The following PACS2 variants were observed in gnomAD, a reference collection of about 807,000 sequenced individuals.
PACS2 encodes the protein phosphofurin acidic cluster sorting protein 2, also known as PACS1-like protein.
In PACS2, 36 loss-of-function variants were observed where a neutral mutation model predicts 113.0. The ratio of observed to expected loss-of-function variants is 0.32; its 90% CI spans 0.24 to 0.42. The LOEUF is 0.42. PACS2 is among the 10% of genes least tolerant of loss of function. PACS2 has a pLI of 1.00. For missense variants in PACS2, 1,015 were observed against 1,239.5 expected (o/e 0.82, Z 2.72); for synonymous variants, 589 against 536.1 (o/e 1.10, Z -1.36).
chr14:105,382,440 T>A lies in PACS2; in HGVS notation c.1414-37T>A. 3 of 1,254,216 alleles carry A rather than the reference T, an allele frequency of 2.4e-6. No individual in the cohort carries two copies. In the South Asian group the frequency reaches 3.6e-5, roughly 15 times the overall value. 77.7% of individuals were successfully genotyped at this position (1,254,216 alleles called of 1,614,324 possible). ...GGCGTGGTGGGGATGGGCGCTGTGCTTCTCTTCTGGGTGTGGACAGGGCTC... is the reference window on the plus strand; with the variant it reads ...GGCGTGGTGGGGATGGGCGCTGTGCATCTCTTCTGGGTGTGGACAGGGCTC... On this transcript the variant is annotated intron_variant, in intron 13 of 24. Coordinates refer to ENST00000447393, the MANE Select transcript of PACS2 (RefSeq NM_001100913.3).
In PACS2 at chr14:105,365,090, C is replaced by T. The variant is rs2060898530; in HGVS notation, c.424-2123C>T. ...GGAGGGAGCTGGGCCCTGGGGCCAC[C>T]CTCCCTGGTGAGGCAGCTCCAGCCC... On this transcript the variant is annotated intron_variant, in intron 4 of 24. Transcript: ENST00000447393. This position sits in a 1 kb window ranked among gnomAD's most constrained non-coding sequence, Gnocchi z 5.1. Among the ~76,000 whole-genome samples the T allele has an allele frequency of 6.6e-6, 1 of 152,216 alleles. No homozygotes were observed. Among genetic ancestry groups the T allele is most frequent in the African/African-American group, 2.4e-5 (1 of 41,458 alleles).
At chr14:105,373,759 C>T (rs2061243981) in intron 8 of PACS2, among the ~76,000 whole-genome samples, 1 of 151,692 alleles carries the variant, frequency 6.6e-6, no homozygotes, top group South Asian at 2.1e-4. Flanking sequence ...TTGCACTCCA[C>T]CTGGGCAACC....
intron 17 of PACS2, 34 bp from the exon 18 acceptor site, chr14:105,384,845 C>A: frequency 7.2e-7 from 1 of 1,387,596 alleles, no homozygotes; most frequent in East Asian, 2.5e-5. Context: ...CACCTGGCAC[C>A]AGCCTAACCC....
intron 8 of PACS2, chr14:105,375,057 CGTG>C (rs2061300838): frequency 6.6e-6 from 1 of 152,194 alleles, no homozygotes; most frequent in Non-Finnish European, 1.5e-5. Flanking sequence ...TGGGGGCTGA[CGTG>C]GGAGGATCAC....
intron 1 of PACS2, among the ~76,000 whole-genome samples, chr14:105,342,566 CAGT>C (rs1555401819): frequency 1.3e-5 from 2 of 152,120 alleles, no homozygotes; most frequent in African/African-American, 4.8e-5. Flanking sequence ...TGCCCAGCCA[CAGT>C]AGAGCTTCTT....
In PACS2 at chr14:105,324,476, A is replaced by T. The variant is rs1253206588; in HGVS notation, c.119+9439A>T. Among the ~76,000 whole-genome samples the T allele has an allele frequency of 6.6e-6, 1 of 152,168 alleles. No homozygotes were observed. The highest frequency in any genetic ancestry group is 1.9e-4 in the East Asian group (1 of 5,192). ...GCTGAGGGCAGCCCTGAGGCCTGTG[A>T]GCTGCTGGCCCCGCAGGGTGGCTGG... On this transcript the variant is annotated intron_variant, in intron 1 of 24. Transcript: ENST00000447393. The surrounding 1 kb of genome is among the most constrained non-coding windows in gnomAD (Gnocchi z 4.7).
At chr14:105,385,237 G>A (rs1340632726) in intron 18 of PACS2, among the ~76,000 whole-genome samples, 2 of 152,232 alleles carry the variant, frequency 1.3e-5, no homozygotes, top group Non-Finnish European at 2.9e-5. Context: ...CGCGTGATAA[G>A]AAGTTGACAG....
intron 1 of PACS2, among the ~76,000 whole-genome samples, chr14:105,342,288 G>A (rs2059760806): frequency 6.6e-6 from 1 of 151,926 alleles, no homozygotes. Context: ...GTGAGAGAGA[G>A]AGAGACAGGG....
chr14:105,327,946 C>G (rs587600372), intron 1 of PACS2, among the ~76,000 whole-genome samples: 2,054 of 152,284 alleles, frequency 0.013, 47 homozygotes, highest in African/African-American at 0.047. Flanking sequence ...GCTCACCGGC[C>G]CAGGCCACCC....
At chr14:105,332,712 C>T (rs954535117) in intron 1 of PACS2, among the ~76,000 whole-genome samples, 4 of 152,156 alleles carry the variant, frequency 2.6e-5, no homozygotes, top group Admixed American at 2.0e-4. Flanking sequence ...ACCTGGAGCC[C>T]AGGAGGTGGA....
chr14:105,353,855 G>A (rs1269061526), intron 3 of PACS2, among the ~76,000 whole-genome samples: 1 of 152,116 alleles, frequency 6.6e-6, no homozygotes, highest in Non-Finnish European at 1.5e-5. Flanking sequence ...GCCTCTCAAA[G>A]TGCTGGGATT....
chr14:105,387,018 C>T (rs993504404), intron 19 of PACS2, among the ~76,000 whole-genome samples: 1 of 152,180 alleles, frequency 6.6e-6, no homozygotes, highest in Admixed American at 6.5e-5. Flanking sequence ...CTTAGGGGGC[C>T]TTACACCCAC....
chr14:105,304,063 AG>A (rs1298850406), intron 1 of PACS2, among the ~76,000 whole-genome samples: 1 of 152,212 alleles, frequency 6.6e-6, no homozygotes, highest in African/African-American at 2.4e-5. Flanking sequence ...TGCAGGTGCA[AG>A]GGGCAGCATG....
At chr14:105,350,730 C>T (rs886157973) in intron 2 of PACS2, among the ~76,000 whole-genome samples, 2 of 152,224 alleles carry the variant, frequency 1.3e-5, no homozygotes, top group South Asian at 2.1e-4. Context: ...GTCCTTTTCC[C>T]GACACAGCTG....
At chr14:105,362,152 C>G (rs587611965) in intron 4 of PACS2, among the ~76,000 whole-genome samples, 92 of 151,580 alleles carry the variant, frequency 6.1e-4, no homozygotes, top group African/African-American at 2.1e-3. Flanking sequence ...GGTGTGGTGG[C>G]TCACGCCTGT....
intron 3 of PACS2, among the ~76,000 whole-genome samples, chr14:105,353,559 TTTG>T (rs2060317818): frequency 6.6e-6 from 1 of 152,100 alleles, no homozygotes; most frequent in African/African-American, 2.4e-5. Context: ...AAGATTTGTA[TTTG>T]TTTATTAGGT....
In PACS2 at chr14:105,317,006, A is replaced by G. The variant is rs1419683485; in HGVS notation, c.119+1969A>G. Among the ~76,000 whole-genome samples the G allele has an allele frequency of 6.6e-6, 1 of 152,194 alleles. No individual in the cohort carries two copies. The highest frequency in any genetic ancestry group is 1.9e-4 in the East Asian group (1 of 5,192). ...CCTGTCCTGGAACAGGGCCCCTCAT[A>G]GGCGGGCTTGCCCCTAGCTTTGCTT... On this transcript the variant is annotated intron_variant, in intron 1 of 24. Coordinates refer to ENST00000447393, the MANE Select transcript of PACS2 (RefSeq NM_001100913.3). This position sits in a 1 kb window ranked among gnomAD's most constrained non-coding sequence, Gnocchi z 4.2.
intron 7 of PACS2, among the ~76,000 whole-genome samples, 167 bp downstream of exon 7, chr14:105,368,706 A>G (rs1021743124): frequency 1.3e-5 from 2 of 152,278 alleles, no homozygotes; most frequent in Admixed American, 1.3e-4. Flanking sequence ...GCCGGGTGCC[A>G]CTGTCTCCCC....
At chr14:105,328,255 C>T (rs1054255283) in intron 1 of PACS2, among the ~76,000 whole-genome samples, 2 of 152,212 alleles carry the variant, frequency 1.3e-5, no homozygotes, top group African/African-American at 4.8e-5. Context: ...GGCCAGCTTT[C>T]CTTTGACTGG....
Sources: allele counts gnomAD v4.1 joint callset (sites outside exome capture counted in the v4.1 genomes callset), GRCh38; gene constraint gnomAD v4.1.1; non-coding constraint Gnocchi (gnomAD v3.1); transcripts MANE v1.5; gene names NCBI Gene and HGNC (gene_info 2026-07-23, HGNC 2026-07-21).